Variants in EML6 observed in about 807,000 individuals in gnomAD.
EML6 encodes the protein echinoderm microtubule-associated protein-like 6.
In EML6, 154 loss-of-function variants were observed where a neutral mutation model predicts 240.1. That is an observed-to-expected ratio of 0.64 (90% CI 0.56 to 0.73). EML6 has a LOEUF of 0.73. Among genes scored for constraint, EML6 ranks in the 30% least tolerant of loss-of-function variants. The probability of loss-of-function intolerance (pLI) is 0.00; values close to 1 mark genes in which losing one functional copy is unlikely to be tolerated. For missense variants in EML6, 2,964 were observed against 2,474.6 expected, an observed-to-expected ratio of 1.20 and a Z score of -4.20; for synonymous variants, 1,148 against 899.0, an observed-to-expected ratio of 1.28 and a Z score of -4.95.
intron 2 of EML6, among the ~76,000 whole-genome samples, chr2:54,810,888 TAAA>T: frequency 6.6e-6 from 1 of 152,256 alleles, no homozygotes; most frequent in South Asian, 2.1e-4. Context: ...GTTTCCCCAC[TAAA>T]AATTGGATAG....
intron 26 of EML6, among the ~76,000 whole-genome samples, chr2:54,918,707 A>G (rs963983312): frequency 2.0e-5 from 3 of 152,168 alleles, no homozygotes; most frequent in African/African-American, 7.2e-5. Flanking sequence ...AGACATTTAA[A>G]TTTACCCCCC....
intron 8 of EML6, among the ~76,000 whole-genome samples, chr2:54,847,169 A>C (rs1208647777): frequency 6.6e-6 from 1 of 152,158 alleles, no homozygotes; most frequent in Non-Finnish European, 1.5e-5. Context: ...TGGCCTCCCA[A>C]AGTGCTGGGA....
chr2:54,876,393 T>C (rs1433740831), intron 16 of EML6, among the ~76,000 whole-genome samples: 3 of 152,194 alleles, frequency 2.0e-5, no homozygotes, highest in Non-Finnish European at 2.9e-5. Context: ...GCTGCTTCCA[T>C]TGCTACCCAC....
chr2:54,869,549 A>G (rs560091458), intron 15 of EML6, among the ~76,000 whole-genome samples, 182 bp downstream of exon 15: 68 of 152,334 alleles, frequency 4.5e-4, no homozygotes, highest in African/African-American at 1.6e-3. Context: ...TTTTAGCATT[A>G]TTGGGAGACC....
At chr2:54,878,125 A>G (rs775923257) in intron 16 of EML6, among the ~76,000 whole-genome samples, 6 of 152,244 alleles carry the variant, frequency 3.9e-5, no homozygotes, top group South Asian at 4.1e-4. Flanking sequence ...TAAATATTGC[A>G]TGGGACATAC....
chr2:54,856,080 C>T (rs755529611), intron 11 of EML6, among the ~76,000 whole-genome samples: 2 of 152,220 alleles, frequency 1.3e-5, no homozygotes, highest in Non-Finnish European at 2.9e-5. Context: ...CAATCAGTTG[C>T]ACAGTAATTA....
chr2:54,798,036 C>T (rs1173549418), intron 2 of EML6, among the ~76,000 whole-genome samples: 1 of 152,012 alleles, frequency 6.6e-6, no homozygotes, highest in African/African-American at 2.4e-5. Flanking sequence ...TATAAAAAAG[C>T]TTGTTGGAAT....
intron 28 of EML6, among the ~76,000 whole-genome samples, chr2:54,942,074 A>G (rs1296895498): frequency 6.6e-6 from 1 of 152,184 alleles, no homozygotes; most frequent in Non-Finnish European, 1.5e-5. Context: ...GATTTTCTTT[A>G]TTCAAACCCC....
intron 10 of EML6, 123 bp from the exon 11 acceptor site, chr2:54,853,518 TAA>T: frequency 1.5e-6 from 1 of 661,632 alleles, no homozygotes. Context: ...GCAAATGGGA[TAA>T]AGAGATTAAA....
chr2:54,831,757 C>G lies in EML6; in HGVS notation c.847+2280C>G, dbSNP rs114503661. Among the ~76,000 whole-genome samples the G allele has an allele frequency of 5.0e-3, 760 of 152,130 alleles. 5 individuals are homozygous for G. The highest frequency in any genetic ancestry group is 0.017 in the Middle Eastern group (5 of 294). On this transcript the variant is annotated intron_variant, in intron 7 of 41. Coordinates refer to ENST00000356458, the MANE Select transcript of EML6 (RefSeq NM_001039753.4). ...TGTGCTTTTAAAGGATGGTATAGAT[C>G]ATGTTCCAGTTTGAGTCCCAGGGAG...
intron 2 of EML6, among the ~76,000 whole-genome samples, chr2:54,798,786 T>A (rs911622247): frequency 6.6e-6 from 1 of 152,214 alleles, no homozygotes; most frequent in African/African-American, 2.4e-5. Flanking sequence ...TATTTATTCT[T>A]GCTTTATTGT....
At chr2:54,783,980 G>C (rs1013826813) in intron 2 of EML6, among the ~76,000 whole-genome samples, 1 of 152,062 alleles carries the variant, frequency 6.6e-6, no homozygotes, top group Non-Finnish European at 1.5e-5. Context: ...ATAAGGTCTT[G>C]TGGTATTGCC....
At chr2:54,795,168 G>C (rs773391721) in intron 2 of EML6, among the ~76,000 whole-genome samples, 29 of 152,308 alleles carry the variant, frequency 1.9e-4, no homozygotes, top group Non-Finnish European at 3.5e-4. Flanking sequence ...AACTACCTGA[G>C]ACTGGGTAAT....
intron 28 of EML6, among the ~76,000 whole-genome samples, chr2:54,929,021 G>A (rs191074729): frequency 1.3e-3 from 145 of 114,964 alleles, no homozygotes; most frequent in African/African-American, 4.1e-3. Context: ...ACTTCTCCAT[G>A]CCCAGAAAAA....
intron 35 of EML6, among the ~76,000 whole-genome samples, chr2:54,962,180 G>A (rs1159848658): frequency 1.3e-5 from 2 of 151,038 alleles, no homozygotes; most frequent in African/African-American, 2.4e-5. Flanking sequence ...CAAATTCCTG[G>A]GCTCAAGCAA....
At chr2:54,955,303 G>C (rs10460507) in intron 32 of EML6, among the ~76,000 whole-genome samples, 89,081 of 151,930 alleles carry the variant, frequency 0.59, 29,228 homozygotes, top group Non-Finnish European at 0.74. Flanking sequence ...GAGCATCTTG[G>C]AGTGGGAAGA....
Position 54,724,684 on chromosome 2 carries a change from G to A in EML6, c.-378G>A, listed in dbSNP as rs1230733754. The stretch of plus-strand genomic sequence containing the variant: ...CCGCAAACTTCAGTGAGCGAACTGG[G>A]TGATCGCTGTTGGGATATGCAGATT... On this transcript the variant is annotated 5_prime_UTR_variant, in exon 2 of 42. In the 5' UTR this introduces an upstream ATG that the reference lacks. Coordinates refer to ENST00000356458, the MANE Select transcript of EML6 (RefSeq NM_001039753.4). This position sits in a 1 kb window ranked among gnomAD's most constrained non-coding sequence, Gnocchi z 5.2. The A allele has an allele frequency of 6.6e-6, 1 of 152,294 alleles. No homozygotes were observed. Among genetic ancestry groups the A allele is most frequent in the Non-Finnish European group, 1.5e-5 (1 of 68,146 alleles). 9.4% of individuals were successfully genotyped at this position (152,294 alleles called of 1,614,324 possible). A position where few individuals can be genotyped will look rare whatever the true frequency, so the allele number is the denominator to read the frequency against.
At position 54,798,204 on chromosome 2, in the gene EML6, G is replaced by A. The variant is rs182716201; in HGVS notation, c.198-15028G>A. Among the ~76,000 whole-genome samples, 169 of 151,958 alleles carry A rather than the reference G, an allele frequency of 1.1e-3. 1 individual carries two copies. The highest frequency in any genetic ancestry group is 3.8e-3 in the African/African-American group (156 of 41,404). On this transcript the variant is annotated intron_variant, in intron 2 of 41. Coordinates refer to ENST00000356458, the MANE Select transcript of EML6 (RefSeq NM_001039753.4). ...TATTTATTTTGTCAGATGGAGTCTC[G>A]CCCTGTTGCCCAGGCTGGAGTGCAG...
At chr2:54,945,284 G>T (rs1292539590) in intron 28 of EML6, among the ~76,000 whole-genome samples, 1 of 16,112 alleles carries the variant, frequency 6.2e-5, no homozygotes, top group Non-Finnish European at 1.2e-4. Context: ...CTCTCTCTCT[G>T]CCTCCCCCTT....
Sources: allele counts gnomAD v4.1 joint callset (sites outside exome capture counted in the v4.1 genomes callset), GRCh38; gene constraint gnomAD v4.1.1; non-coding constraint Gnocchi (gnomAD v3.1); transcripts MANE v1.5; gene names NCBI Gene and HGNC (gene_info 2026-07-23, HGNC 2026-07-21).